The following SMARCA1 variants were observed in gnomAD, a reference collection of about 807,000 sequenced individuals.
The protein encoded by SMARCA1 is SNF2 related chromatin remodeling ATPase 1.
SMARCA1 carries 17 observed loss-of-function variants against 93.6 expected under a neutral mutation model. The ratio of observed to expected loss-of-function variants is 0.18; its 90% CI spans 0.12 to 0.27. The LOEUF (loss-of-function observed/expected upper bound fraction) is 0.27, where lower values mean the gene tolerates loss of function less well. SMARCA1 is among the 10% of genes least tolerant of loss of function. The pLI is 1.00. For synonymous variants in SMARCA1, 271 were observed against 271.4 expected (o/e 1.00, Z 0.01); for missense variants, 630 against 819.0 (o/e 0.77, Z 2.82).
intron 23 of SMARCA1, among the ~76,000 whole-genome samples, chrX:129,464,681 A>G (rs1462315913): frequency 8.9e-6 from 1 of 112,551 alleles, no homozygotes; most frequent in Non-Finnish European, 1.9e-5. Flanking sequence ...TCATTCGCAT[A>G]GTCTCAAGCA....
chrX:129,459,340 T>A (rs1429840259), intron 23 of SMARCA1, among the ~76,000 whole-genome samples: 1 of 111,531 alleles, frequency 9.0e-6, no homozygotes, highest in Non-Finnish European at 1.9e-5. Flanking sequence ...AATCACTTGA[T>A]CCCAGGAGGC....
chrX:129,458,290 T>G (rs1246626346), intron 23 of SMARCA1, among the ~76,000 whole-genome samples: 1 of 112,563 alleles, frequency 8.9e-6, no homozygotes, highest in African/African-American at 3.2e-5. Context: ...AGTCATTCTT[T>G]GCTTTCAGGC....
At chrX:129,460,035 A>G (rs1013381624) in intron 23 of SMARCA1, among the ~76,000 whole-genome samples, 1 of 110,876 alleles carries the variant, frequency 9.0e-6, no homozygotes, top group Non-Finnish European at 1.9e-5. Flanking sequence ...CTGTAGTCCT[A>G]GCTACTCAGG....
Position 129,504,805 on chromosome X carries a change from G to A in SMARCA1, c.1099-3C>T. The stretch of plus-strand genomic sequence containing the variant: ...GTGTCAAACCAAGAATCAAAGTCCT[G>A]TAGAGGGGTGGAAATTCTCCAATGA... On this transcript the variant is annotated splice_polypyrimidine_tract_variant and splice_region_variant and intron_variant, in intron 8 of 24. Transcript: ENST00000371121. 1 of 1,173,402 alleles carries A rather than the reference G, an allele frequency of 8.5e-7. No individual in the cohort carries two copies. Among genetic ancestry groups the A allele is most frequent in the Admixed American group, 2.2e-5 (1 of 45,553 alleles).
At chrX:129,495,993 G>T (rs1295773772) in intron 12 of SMARCA1, among the ~76,000 whole-genome samples, 1 of 104,101 alleles carries the variant, frequency 9.6e-6, no homozygotes, top group African/African-American at 3.5e-5. Flanking sequence ...ACTTAAAACA[G>T]AAGCCAAAGA....
intron 1 of SMARCA1, 24 bp downstream of exon 1, chrX:129,523,173 C>T (rs1157794355): frequency 1.7e-6 from 2 of 1,206,295 alleles, no homozygotes; most frequent in Non-Finnish European, 2.2e-6. Context: ...TTGTCCACCA[C>T]ACACACACCC....
At chrX:129,520,955 G>A (rs1297139739) in intron 1 of SMARCA1, among the ~76,000 whole-genome samples, 11 of 111,433 alleles carry the variant, frequency 9.9e-5, no homozygotes, top group African/African-American at 3.6e-4. Flanking sequence ...TCGGCTCACT[G>A]CAACCTGAGC....
chrX:129,456,031 A>G (rs1452697135), intron 23 of SMARCA1, among the ~76,000 whole-genome samples: 3 of 112,228 alleles, frequency 2.7e-5, no homozygotes, highest in African/African-American at 6.5e-5. Flanking sequence ...TAGGACTTTC[A>G]TAACTAGAGA....
At chrX:129,452,962 G>A (rs998853397) in intron 23 of SMARCA1, among the ~76,000 whole-genome samples, 1 of 111,071 alleles carries the variant, frequency 9.0e-6, no homozygotes, top group Non-Finnish European at 1.9e-5. Flanking sequence ...TATCTGTTAC[G>A]GTGACCTGTG....
rs1932433986 is a variant in SMARCA1, at chrX:129,453,769, C to T, written c.3031-5326G>A. On this transcript the variant is annotated intron_variant, in intron 23 of 24. Transcript: ENST00000371121. Reference sequence around the variant, plus strand: ...GGACCTCTTCAAGAAGAACTACAAACCACTCCTCAAGAAAATAAGAGAGGA... The same window carrying T: ...GGACCTCTTCAAGAAGAACTACAAATCACTCCTCAAGAAAATAAGAGAGGA... Among the ~76,000 whole-genome samples, 3 of 111,440 alleles carry T rather than the reference C, an allele frequency of 2.7e-5. No individual in the cohort carries two copies. In the Admixed American group the frequency reaches 2.9e-4, roughly 11 times the overall value.
At chrX:129,517,649 C>T (rs891182303) in intron 2 of SMARCA1, among the ~76,000 whole-genome samples, 3 of 110,503 alleles carry the variant, frequency 2.7e-5, no homozygotes, top group Non-Finnish European at 5.7e-5. Context: ...TTCATCTATA[C>T]TTATTTTTAT....
At chrX:129,521,581 A>G (rs188800582) in intron 1 of SMARCA1, among the ~76,000 whole-genome samples, 92 of 111,556 alleles carry the variant, frequency 8.2e-4, no homozygotes, top group Non-Finnish European at 1.4e-3. Context: ...TTTTTTCACA[A>G]TACAAAATTT....
intron 24 of SMARCA1, among the ~76,000 whole-genome samples, chrX:129,448,001 C>T (rs1490243016): frequency 9.1e-6 from 1 of 110,409 alleles, no homozygotes; most frequent in East Asian, 2.8e-4. Flanking sequence ...AACTTCAGCC[C>T]CATCCCATCC....
rs1379333006 is a variant in SMARCA1 at position 129,470,699 on chromosome X, T to C, written c.2565+505A>G. Among the ~76,000 whole-genome samples the C allele has an allele frequency of 1.8e-5, 2 of 110,469 alleles. 1 individual carries two copies. Among genetic ancestry groups the C allele is most frequent in the Non-Finnish European group, 3.8e-5 (2 of 52,865 alleles). On this transcript the variant is annotated intron_variant, in intron 20 of 24. Transcript: ENST00000371121. ...GCCTGGCCAACATGGCAAAACCCCA[T>C]CTCTACTAAAAACACAAAAATTAGC...
intron 1 of SMARCA1, 135 bp downstream of exon 1, chrX:129,523,062 G>C (rs776323051): frequency 2.9e-6 from 2 of 692,597 alleles, no homozygotes; most frequent in East Asian, 7.6e-5. Context: ...TTCCGCCGCC[G>C]ACCCCCGCAC....
At position 129,494,590 on chromosome X, in the gene SMARCA1, G is replaced by A. The variant is rs766160357; in HGVS notation, c.1627-1515C>T. On this transcript the variant is annotated intron_variant, in intron 12 of 24. Transcript: ENST00000371121. Reference sequence around the variant, plus strand: ...TGCAGCTACAGAAGGAGAGGGATGCGGGCTAAGAGAGAGTCCTTGTAGCCT... The same window carrying A: ...TGCAGCTACAGAAGGAGAGGGATGCAGGCTAAGAGAGAGTCCTTGTAGCCT... Among the ~76,000 whole-genome samples the A allele has an allele frequency of 8.1e-5, 9 of 111,242 alleles. No homozygotes were observed. The East Asian group carries it at 1.7e-3, about 21-fold the overall frequency.
At chrX:129,486,306 T>C (rs1273850802) in intron 17 of SMARCA1, among the ~76,000 whole-genome samples, 1 of 110,817 alleles carries the variant, frequency 9.0e-6, no homozygotes, top group African/African-American at 3.3e-5. Context: ...TATACTAACA[T>C]GTAAATTGTT....
intron 1 of SMARCA1, 81 bp downstream of exon 1, chrX:129,523,116 G>T: frequency 3.8e-6 from 4 of 1,065,334 alleles, no homozygotes; most frequent in Non-Finnish European, 5.1e-6. Context: ...ACCTGTCGGC[G>T]CCGAAAGGTC....
chrX:129,475,703 G>C (rs1933349786), intron 19 of SMARCA1, among the ~76,000 whole-genome samples: 1 of 112,147 alleles, frequency 8.9e-6, no homozygotes, highest in Non-Finnish European at 1.9e-5. Context: ...AGATGCTAAG[G>C]AATTTGTGAT....
Sources: gnomAD v4.1 joint callset for allele counts (sites outside exome capture counted in the v4.1 genomes callset) on GRCh38, gnomAD v4.1.1 for gene constraint, MANE v1.5 for transcripts, NCBI Gene and HGNC (gene_info 2026-07-23, HGNC 2026-07-21) for gene names.